The following R3HDM2 variants were observed in gnomAD, a reference collection of about 807,000 sequenced individuals.
The protein encoded by R3HDM2 is R3H domain-containing protein 2.
Under a neutral mutation model 124.5 loss-of-function variants are expected in R3HDM2, and 38 were observed. The ratio of observed to expected loss-of-function variants is 0.31; its 90% CI spans 0.24 to 0.40. The LOEUF (loss-of-function observed/expected upper bound fraction) is 0.40, where lower values mean the gene tolerates loss of function less well. Ranked by LOEUF, R3HDM2 falls within the 10% of genes least tolerant of loss-of-function variation. R3HDM2 has a pLI of 1.00. For missense variants in R3HDM2, 869 were observed against 1,236.9 expected (o/e 0.70, Z 4.46); for synonymous variants, 391 against 448.0 (o/e 0.87, Z 1.61).
At chr12:57,267,224 A>G (rs1301873216) in intron 18 of R3HDM2, among the ~76,000 whole-genome samples, 1 of 152,176 alleles carries the variant, frequency 6.6e-6, no homozygotes, top group East Asian at 1.9e-4. Flanking sequence ...GTAAAAAAAA[A>G]AAACACAAAA....
intron 1 of R3HDM2, among the ~76,000 whole-genome samples, chr12:57,400,935 A>G (rs972768961): frequency 1.3e-5 from 2 of 152,294 alleles, no homozygotes; most frequent in East Asian, 1.9e-4. Flanking sequence ...GGACCTGAAA[A>G]TATCAGTCCC....
At chr12:57,315,369 G>GT (rs886954253) in intron 2 of R3HDM2, among the ~76,000 whole-genome samples, 59 of 152,218 alleles carry the variant, frequency 3.9e-4, no homozygotes, top group African/African-American at 1.4e-3. Flanking sequence ...TAGAGATAGG[G>GT]TTTTGCCATG....
intron 1 of R3HDM2, among the ~76,000 whole-genome samples, chr12:57,427,381 AGT>A (rs1440054638): frequency 6.8e-6 from 1 of 146,182 alleles, no homozygotes; most frequent in Non-Finnish European, 1.5e-5. Context: ...ACAAAGTCTC[AGT>A]CTGTTGCCCA....
At chr12:57,267,060 G>A (rs2042591449) in intron 18 of R3HDM2, 1 of 432,622 alleles carries the variant, frequency 2.3e-6, no homozygotes, top group African/African-American at 2.0e-5. Context: ...CAGTGCTACA[G>A]ATGGAATGTT....
chr12:57,266,866 G>T, intron 18 of R3HDM2, 35 bp from the exon 19 acceptor site: 1 of 1,434,718 alleles, frequency 7.0e-7, no homozygotes, highest in Non-Finnish European at 9.7e-7. Context: ...TGGTGAAGCA[G>T]TAGAGGGATG....
chr12:57,290,305 G>C (rs921645512), intron 11 of R3HDM2, among the ~76,000 whole-genome samples: 1 of 152,212 alleles, frequency 6.6e-6, no homozygotes, highest in African/African-American at 2.4e-5. Context: ...AGGTTACGAT[G>C]TCACTGGTAC....
chr12:57,414,486 TAA>T (rs534205889), intron 1 of R3HDM2, among the ~76,000 whole-genome samples: 42 of 66,628 alleles, frequency 6.3e-4, no homozygotes, highest in African/African-American at 1.9e-3. Flanking sequence ...AAGACTCCAT[TAA>T]AAAAAAAAAA....
At chr12:57,271,548 T>C (rs1346024155) in intron 14 of R3HDM2, among the ~76,000 whole-genome samples, 1 of 152,204 alleles carries the variant, frequency 6.6e-6, no homozygotes, top group African/African-American at 2.4e-5. Flanking sequence ...GTTAGCTGTT[T>C]TGCTACTTAT....
chr12:57,335,128 C>T (rs766396849), intron 2 of R3HDM2, among the ~76,000 whole-genome samples: 3 of 151,592 alleles, frequency 2.0e-5, no homozygotes, highest in Non-Finnish European at 2.9e-5. Context: ...GGCAACAGAG[C>T]AAGACTCGGT....
At chr12:57,346,319 A>T (rs1451092274) in intron 2 of R3HDM2, among the ~76,000 whole-genome samples, 1 of 147,506 alleles carries the variant, frequency 6.8e-6, no homozygotes, top group African/African-American at 2.5e-5. Context: ...TTAGCCAGGC[A>T]TGGTGGCGGG....
chr12:57,410,489 A>C (rs2068913101), intron 1 of R3HDM2, among the ~76,000 whole-genome samples: 2 of 152,338 alleles, frequency 1.3e-5, no homozygotes, highest in South Asian at 4.1e-4. Flanking sequence ...TGTAAGGCTC[A>C]CCTGATCTCA....
intron 13 of R3HDM2, 98 bp from the exon 14 acceptor site, chr12:57,280,628 TTCC>T (rs748453763): frequency 2.8e-6 from 3 of 1,086,914 alleles, no homozygotes; most frequent in Non-Finnish European, 3.8e-6. Context: ...TTCTTTGCCT[TTCC>T]TCTTTATTCC....
intron 2 of R3HDM2, among the ~76,000 whole-genome samples, chr12:57,319,123 C>T (rs924835804): frequency 3.3e-5 from 5 of 152,056 alleles, no homozygotes; most frequent in East Asian, 1.9e-4. Context: ...GATGGAGTTT[C>T]GCTCTATTGC....
chr12:57,407,229 A>G (rs1443015029), intron 1 of R3HDM2, among the ~76,000 whole-genome samples: 2 of 150,568 alleles, frequency 1.3e-5, no homozygotes, highest in Non-Finnish European at 3.0e-5. Flanking sequence ...CAGCCTGGGC[A>G]ACAGAGCAAG....
At chr12:57,284,767 G>T (rs1248652885) in intron 12 of R3HDM2, among the ~76,000 whole-genome samples, 1 of 152,176 alleles carries the variant, frequency 6.6e-6, no homozygotes, top group Non-Finnish European at 1.5e-5. Flanking sequence ...AGAGCAGGGG[G>T]GTTGACTGTG....
intron 2 of R3HDM2, among the ~76,000 whole-genome samples, chr12:57,386,283 G>C (rs1200194780): frequency 6.6e-6 from 1 of 152,186 alleles, no homozygotes; most frequent in Non-Finnish European, 1.5e-5. Context: ...GCGGGAGCCG[G>C]CTCCCTCAGC....
chr12:57,386,382 G>C (rs1320898282), intron 2 of R3HDM2, among the ~76,000 whole-genome samples: 1 of 152,252 alleles, frequency 6.6e-6, no homozygotes, highest in East Asian at 1.9e-4. Flanking sequence ...GGTGGGAGTG[G>C]GCTCGGCAGG....
At chr12:57,302,539 G>T (rs143329039) in intron 4 of R3HDM2, among the ~76,000 whole-genome samples, 1 of 151,638 alleles carries the variant, frequency 6.6e-6, no homozygotes, top group Non-Finnish European at 1.5e-5. Context: ...GGTGGCGGGC[G>T]CCTGTAATCC....
chr12:57,299,429 T>C lies in R3HDM2; in HGVS notation c.344A>G (p.Lys115Arg). The C allele has an allele frequency of 6.5e-7, 1 of 1,544,602 alleles. No homozygotes were observed. Among genetic ancestry groups the C allele is most frequent in the Non-Finnish European group, 8.8e-7 (1 of 1,140,362 alleles). The change falls in exon 6 of 24, where the codon AAG becomes AGG. Residue 115 changes from lysine (K) to arginine (R), a missense_variant. By Grantham distance (26) the Lys-to-Arg change is conservative. Coordinates refer to ENST00000402412, the MANE Select transcript of R3HDM2 (RefSeq NM_001394031.1). Reference protein sequence around the residue: ...ISCPSDKEEEKSTKDVSEKED... With the variant: ...ISCPSDKEEERSTKDVSEKED... Reference sequence around the variant, plus strand: ...CTTTTCAGAGACATCTTTTGTGGACTTTTCTTCCTCCTTGTCAGAAGGGCA... The same window carrying C: ...CTTTTCAGAGACATCTTTTGTGGACCTTTCTTCCTCCTTGTCAGAAGGGCA...
Sources: gnomAD v4.1 joint callset for allele counts (sites outside exome capture counted in the v4.1 genomes callset) on GRCh38, gnomAD v4.1.1 for gene constraint, MANE v1.5 for transcripts, NCBI Gene and HGNC (gene_info 2026-07-23, HGNC 2026-07-21) for gene names.